SHROOM2: variants seen among roughly 807,000 people sequenced by gnomAD.
SHROOM2 encodes the protein protein Shroom2.
A neutral mutation model predicts 75.9 loss-of-function variants in SHROOM2; 33 were observed. That is an observed-to-expected ratio of 0.43 (90% CI 0.33 to 0.58). The LOEUF is 0.58. Ranked by LOEUF, SHROOM2 falls within the 20% of genes least tolerant of loss-of-function variation. The probability of loss-of-function intolerance (pLI) is 0.04; values close to 1 mark genes in which losing one functional copy is unlikely to be tolerated. For synonymous variants in SHROOM2, 655 were observed against 663.6 expected, an observed-to-expected ratio of 0.99 and a Z score of 0.20; for missense variants, 1,434 against 1,461.2, an observed-to-expected ratio of 0.98 and a Z score of 0.30.
rs1332876062 is a variant in SHROOM2 at position 9,949,211 on chromosome X, A to G, written c.*2274A>G. 2 of 274,936 alleles carry G rather than the reference A, an allele frequency of 7.3e-6. No homozygotes were observed. The highest frequency in any genetic ancestry group is 1.4e-5 in the Non-Finnish European group (2 of 144,013). 22.7% of individuals were successfully genotyped at this position (274,936 alleles called of 1,213,427 possible). ...CTGTATCTAGTTGTATTATTCATAG[A>G]AAATCAATCTGGTGCTAATGGTTGG... On this transcript the variant is annotated 3_prime_UTR_variant, in exon 10 of 10. Coordinates refer to ENST00000380913, the MANE Select transcript of SHROOM2 (RefSeq NM_001649.4).
At chrX:9,846,900 G>A (rs956663215) in intron 1 of SHROOM2, among the ~76,000 whole-genome samples, 4 of 112,022 alleles carry the variant, frequency 3.6e-5, no homozygotes, top group Non-Finnish European at 5.6e-5. Flanking sequence ...CATGGAGCAC[G>A]GGGACGCATG....
rs181337124 is a variant in SHROOM2 at position 9,913,768 on chromosome X, G to A, written c.2891+15478G>A. Among the ~76,000 whole-genome samples, 122 of 112,159 alleles carry A rather than the reference G, an allele frequency of 1.1e-3. 1 individual carries two copies. Among genetic ancestry groups the A allele is most frequent in the Non-Finnish European group, 2.0e-3 (105 of 53,252 alleles). On this transcript the variant is annotated intron_variant, in intron 5 of 9. Coordinates refer to ENST00000380913, the MANE Select transcript of SHROOM2 (RefSeq NM_001649.4). ...ACCTGGTAGCACTTACGAGTAAACA[G>A]CCTACTGCCTCGTAGATGGTCTTAA...
chrX:9,936,379 T>C (rs2084706309), intron 6 of SHROOM2, among the ~76,000 whole-genome samples: 1 of 110,958 alleles, frequency 9.0e-6, no homozygotes, highest in African/African-American at 3.3e-5. Context: ...TCCAAAGTGC[T>C]GGGATTACAG....
At chrX:9,838,130 G>A (rs183641831) in intron 1 of SHROOM2, among the ~76,000 whole-genome samples, 203 of 98,640 alleles carry the variant, frequency 2.1e-3, no homozygotes, top group African/African-American at 7.2e-3. Context: ...GCACGATCTC[G>A]GCTCACTGCA....
intron 1 of SHROOM2, among the ~76,000 whole-genome samples, chrX:9,821,262 GCTGGGACCCAGGGAC>G (rs2083851698): frequency 8.9e-6 from 1 of 112,266 alleles, no homozygotes; most frequent in Non-Finnish European, 1.9e-5. Flanking sequence ...AATCACGGTT[GCTGGGACCCAGGGAC>G]CTGAATTTTA....
chrX:9,830,423 A>G (rs778237905), intron 1 of SHROOM2, among the ~76,000 whole-genome samples: 85 of 109,953 alleles, frequency 7.7e-4, no homozygotes, highest in African/African-American at 2.5e-3. Context: ...CTGTCTGGAA[A>G]GTGGGGTCAG....
chrX:9,839,079 T>C (rs2083965605), intron 1 of SHROOM2, among the ~76,000 whole-genome samples: 1 of 111,454 alleles, frequency 9.0e-6, no homozygotes, highest in African/African-American at 3.3e-5. Flanking sequence ...TGTCATTTTC[T>C]TGACTGAAAT....
intron 1 of SHROOM2, among the ~76,000 whole-genome samples, chrX:9,822,827 G>A (rs1168558231): frequency 1.8e-5 from 2 of 111,775 alleles, no homozygotes; most frequent in African/African-American, 6.5e-5. Context: ...AGTGCTCAGT[G>A]CCTCCGGGCA....
chrX:9,818,629 G>A, intron 1 of SHROOM2: 1 of 334,732 alleles, frequency 3.0e-6, no homozygotes, highest in Non-Finnish European at 5.5e-6. Context: ...ATAAGAAATG[G>A]TGCCTGTATT....
chrX:9,787,412 C>A (rs1317977605), intron 1 of SHROOM2, among the ~76,000 whole-genome samples: 1 of 112,329 alleles, frequency 8.9e-6, no homozygotes, highest in Non-Finnish European at 1.9e-5. Flanking sequence ...TGGAAACTTA[C>A]CAGTTGAACC....
intron 1 of SHROOM2, among the ~76,000 whole-genome samples, chrX:9,792,116 G>C (rs752683699): frequency 2.1e-4 from 4 of 19,251 alleles, no homozygotes; most frequent in African/African-American, 4.1e-4. Flanking sequence ...GAATAGAATA[G>C]AATAGAATAG....
At chrX:9,926,139 G>A (rs931245818) in intron 5 of SHROOM2, among the ~76,000 whole-genome samples, 2 of 111,559 alleles carry the variant, frequency 1.8e-5, no homozygotes, top group Non-Finnish European at 3.8e-5. Flanking sequence ...CTAGCTCACC[G>A]CCATCCTATG....
rs1432025472 is a variant in SHROOM2 at position 9,945,065 on chromosome X, CTCT to C, written c.4584+153_4584+155del. On this transcript the variant is annotated intron_variant, in intron 9 of 9. Coordinates refer to ENST00000380913, the MANE Select transcript of SHROOM2 (RefSeq NM_001649.4). Reference sequence around the variant, plus strand: ...GCAGACCTTGTCGAGACAGTGCACGCTCTATACCCTCTCCTTCCTTTTATATTT... The same window carrying C: ...GCAGACCTTGTCGAGACAGTGCACGCATACCCTCTCCTTCCTTTTATATTT... 9.1e-5 allele frequency: 44 copies of C among 481,876 alleles called. No individual in the cohort carries two copies. The East Asian group carries it at 1.6e-3, about 17-fold the overall frequency. The allele number at this position is 481,876 out of a possible 1,213,427, so 39.7% of individuals were successfully genotyped here. A position where few individuals can be genotyped will look rare whatever the true frequency, so the allele number is the denominator to read the frequency against.
In SHROOM2 at chrX:9,932,527, C is replaced by T. The variant is rs1486322900; in HGVS notation, c.3244C>T (p.Pro1082Ser). Reference protein sequence around the residue: ...PRRYRATDGAPADAPVGVLGR... With the variant: ...PRRYRATDGASADAPVGVLGR... ...GAGATACAGGGCCACAGACGGCGCA[C>T]CTGCTGACGCCCCCGTGGGCGTCCT... The change falls in exon 6 of 10, where the codon CCT becomes TCT. Residue 1082 changes from proline (P) to serine (S), a missense_variant. Physicochemically the swap from Pro to Ser is moderately conservative, Grantham distance 74. Transcript: ENST00000380913. 2 of 1,209,543 alleles carry T rather than the reference C, an allele frequency of 1.7e-6. No homozygotes were observed. Among genetic ancestry groups the T allele is most frequent in the African/African-American group, 3.5e-5 (2 of 57,307 alleles).
intron 1 of SHROOM2, among the ~76,000 whole-genome samples, chrX:9,792,044 TA>T (rs2083656580): frequency 1.7e-4 from 4 of 23,943 alleles, no homozygotes; most frequent in Admixed American, 5.3e-4. Context: ...TAGAATAGAA[TA>T]GAATAGAATA....
At chrX:9,823,711 C>T (rs1288174696) in intron 1 of SHROOM2, among the ~76,000 whole-genome samples, 2 of 108,576 alleles carry the variant, frequency 1.8e-5, no homozygotes, top group Non-Finnish European at 3.8e-5. Flanking sequence ...AATTATGCTC[C>T]AGATTTACAT....
chrX:9,842,680 G>T (rs908133718), intron 1 of SHROOM2, among the ~76,000 whole-genome samples: 2 of 112,499 alleles, frequency 1.8e-5, no homozygotes, highest in African/African-American at 6.5e-5. Context: ...GCTGTGGGGA[G>T]CCGGTAGCTT....
intron 1 of SHROOM2, among the ~76,000 whole-genome samples, chrX:9,792,011 GAATA>G (rs2083653982): frequency 0.1 from 2 of 20 alleles, 1 homozygote; most frequent in Non-Finnish European, 0.33. Flanking sequence ...GAATAGAATA[GAATA>G]GAATAGAATA....
chrX:9,943,581 G>A (rs1234441468), intron 8 of SHROOM2, among the ~76,000 whole-genome samples: 1 of 112,032 alleles, frequency 8.9e-6, no homozygotes, highest in Non-Finnish European at 1.9e-5. Context: ...TAGTTACGCA[G>A]TTTCAGTTGG....
Sources: gnomAD v4.1 joint callset for allele counts (sites outside exome capture counted in the v4.1 genomes callset) on GRCh38, gnomAD v4.1.1 for gene constraint, MANE v1.5 for transcripts, NCBI Gene and HGNC (gene_info 2026-07-23, HGNC 2026-07-21) for gene names.